The following NCALD variants were observed in gnomAD, a reference collection of about 807,000 sequenced individuals.
NCALD encodes the protein neurocalcin-delta.
A neutral mutation model predicts 18.6 loss-of-function variants in NCALD; 10 were observed. That is an observed-to-expected ratio of 0.54 (90% CI 0.33 to 0.91). The LOEUF (loss-of-function observed/expected upper bound fraction) is 0.91, where lower values mean the gene tolerates loss of function less well. Ranked by LOEUF, NCALD falls within the 40% of genes least tolerant of loss-of-function variation. The pLI is 0.03. For missense variants in NCALD, 184 were observed against 247.6 expected, an observed-to-expected ratio of 0.74 and a Z score of 1.72; for synonymous variants, 88 against 87.4, an observed-to-expected ratio of 1.01 and a Z score of -0.04.
chr8:101,700,428 C>A (rs1351929924), intron 2 of NCALD, among the ~76,000 whole-genome samples: 6 of 152,122 alleles, frequency 3.9e-5, no homozygotes, highest in African/African-American at 1.4e-4. Context: ...CAAAAAGCAC[C>A]TTATTTTTCA....
intron 2 of NCALD, among the ~76,000 whole-genome samples, chr8:101,989,345 T>A (rs4734051): frequency 0.63 from 95,901 of 152,042 alleles, 31,811 homozygotes; most frequent in African/African-American, 0.83. Flanking sequence ...AGCCACAAAA[T>A]TGTTTCTCAC....
chr8:101,961,820 C>G (rs1819846791), intron 2 of NCALD, among the ~76,000 whole-genome samples: 1 of 152,084 alleles, frequency 6.6e-6, no homozygotes, highest in Admixed American at 6.6e-5. Flanking sequence ...CAACTCTCTC[C>G]CCTACTCTAA....
chr8:102,047,354 T>C (rs983305602), intron 1 of NCALD, among the ~76,000 whole-genome samples: 1 of 152,206 alleles, frequency 6.6e-6, no homozygotes, highest in Non-Finnish European at 1.5e-5. Context: ...AAGACACTCT[T>C]GGCTTATGAA....
chr8:102,040,752 A>G (rs755402508), intron 1 of NCALD, among the ~76,000 whole-genome samples: 2 of 152,272 alleles, frequency 1.3e-5, no homozygotes, highest in Admixed American at 1.3e-4. Flanking sequence ...TCCTACCACT[A>G]TGATCAGCAT....
At chr8:102,013,787 T>C (rs550230708) in intron 2 of NCALD, among the ~76,000 whole-genome samples, 1 of 152,300 alleles carries the variant, frequency 6.6e-6, no homozygotes, top group Admixed American at 6.5e-5. Flanking sequence ...GAGCAGGTGC[T>C]TTAATCCAGA....
intron 1 of NCALD, among the ~76,000 whole-genome samples, chr8:102,123,587 A>G (rs917791673): frequency 6.6e-6 from 1 of 152,168 alleles, no homozygotes; most frequent in South Asian, 2.1e-4. Context: ...ATGCACTGAA[A>G]AACACTCAAA....
At chr8:101,757,912 C>T (rs1350285312) in intron 1 of NCALD, among the ~76,000 whole-genome samples, 1 of 152,126 alleles carries the variant, frequency 6.6e-6, no homozygotes, top group African/African-American at 2.4e-5. Context: ...AGCCTCCCAC[C>T]TCCCAAGTAG....
chr8:101,755,151 G>A (rs755118832), intron 1 of NCALD, among the ~76,000 whole-genome samples: 3 of 152,124 alleles, frequency 2.0e-5, no homozygotes, highest in Non-Finnish European at 4.4e-5. Context: ...TATTTTGTTT[G>A]TAGCTAACAT....
intron 2 of NCALD, among the ~76,000 whole-genome samples, chr8:102,017,223 A>C (rs534736957): frequency 6.6e-6 from 1 of 152,176 alleles, no homozygotes; most frequent in Non-Finnish European, 1.5e-5. Flanking sequence ...TAGCTTTTTC[A>C]ATATGTGATG....
rs143006492 is a variant in NCALD at position 102,052,315 on chromosome 8, C to T, written c.-209-32026G>A. On this transcript the variant is annotated intron_variant, in intron 1 of 6. Coordinates refer to the NCALD transcript ENST00000311028. ...ATGGAAATCCAAAGGAAAAACCCTC[C>T]CACTGGGTTAGGCACATTTTATCTA... is the stretch of plus-strand genomic sequence containing the variant. Among the ~76,000 whole-genome samples, 1,444 of 152,240 alleles carry T rather than the reference C, an allele frequency of 9.5e-3. 17 individuals are homozygous for T. The highest frequency in any genetic ancestry group is 0.023 in the South Asian group (109 of 4,814).
chr8:101,768,467 C>T (rs996576348), intron 1 of NCALD, among the ~76,000 whole-genome samples: 3 of 152,126 alleles, frequency 2.0e-5, no homozygotes, highest in African/African-American at 7.2e-5. Context: ...CCAGCACTTT[C>T]GGAAGTGGTG....
chr8:101,882,505 G>T (rs1303532243), intron 4 of NCALD, among the ~76,000 whole-genome samples: 1 of 152,162 alleles, frequency 6.6e-6, no homozygotes, highest in Admixed American at 6.5e-5. Flanking sequence ...CTCAAGAACT[G>T]TAGGAAATAA....
intron 1 of NCALD, among the ~76,000 whole-genome samples, chr8:102,049,142 C>G (rs936486717): frequency 6.6e-5 from 10 of 152,208 alleles, no homozygotes; most frequent in Non-Finnish European, 1.5e-5. Flanking sequence ...CACTCAGGAT[C>G]CCACAGCCAG....
intron 4 of NCALD, among the ~76,000 whole-genome samples, chr8:101,807,461 G>A (rs896369050): frequency 2.0e-5 from 3 of 152,112 alleles, no homozygotes; most frequent in African/African-American, 7.2e-5. Flanking sequence ...GGTATAAACA[G>A]AGAACCAGAA....
At chr8:101,918,049 A>G (rs1403544493) in intron 2 of NCALD, among the ~76,000 whole-genome samples, 1 of 152,154 alleles carries the variant, frequency 6.6e-6, no homozygotes, top group East Asian at 1.9e-4. Flanking sequence ...CTACCGGCTA[A>G]TATCTCTGAT....
chr8:101,752,549 A>G (rs1810702868), intron 1 of NCALD, among the ~76,000 whole-genome samples: 1 of 152,218 alleles, frequency 6.6e-6, no homozygotes, highest in Admixed American at 6.5e-5. Context: ...AAGATAACCT[A>G]TGTATCAGAA....
chr8:101,784,027 C>A (rs888352207), intron 1 of NCALD, among the ~76,000 whole-genome samples: 1 of 152,152 alleles, frequency 6.6e-6, no homozygotes, highest in East Asian at 1.9e-4. Context: ...ATTACCCCCC[C>A]ACACCCCAAA....
At chr8:101,964,309 G>C (rs1819943788) in intron 2 of NCALD, among the ~76,000 whole-genome samples, 1 of 152,124 alleles carries the variant, frequency 6.6e-6, no homozygotes, top group South Asian at 2.1e-4. Context: ...TTGACCACAA[G>C]AATATAGTAT....
chr8:101,746,415 A>G (rs1053674086), intron 1 of NCALD, among the ~76,000 whole-genome samples: 2 of 152,104 alleles, frequency 1.3e-5, no homozygotes, highest in African/African-American at 4.8e-5. Context: ...TGTAATACAA[A>G]TACTAATAGC....
Sources: allele counts gnomAD v4.1 joint callset (sites outside exome capture counted in the v4.1 genomes callset), GRCh38; gene constraint gnomAD v4.1.1; transcripts MANE v1.5; gene names NCBI Gene and HGNC (gene_info 2026-07-23, HGNC 2026-07-21).